The following GABRG3 variants were observed in gnomAD, a reference collection of about 807,000 sequenced individuals.
The protein encoded by GABRG3 is gamma-aminobutyric acid type A receptor subunit gamma3, also known as gamma-aminobutyric acid receptor subunit gamma-3.
In GABRG3, 25 loss-of-function variants were observed where a neutral mutation model predicts 48.8. That is an observed-to-expected ratio of 0.51 (90% CI 0.37 to 0.72). GABRG3 has a LOEUF of 0.72. GABRG3 is among the 30% of genes least tolerant of loss of function. GABRG3 has a pLI of 0.00. For synonymous variants in GABRG3, 227 were observed against 217.6 expected, an observed-to-expected ratio of 1.04 and a Z score of -0.38; for missense variants, 394 against 577.9, an observed-to-expected ratio of 0.68 and a Z score of 3.26.
chr15:27,306,791 A>G (rs1315455112), intron 3 of GABRG3, among the ~76,000 whole-genome samples: 2 of 108,228 alleles, frequency 1.8e-5, no homozygotes, highest in Non-Finnish European at 3.5e-5. Flanking sequence ...ATGTTTATAT[A>G]TAAACATACA....
chr15:26,981,372 A>G (rs922257262), intron 2 of GABRG3, among the ~76,000 whole-genome samples: 4 of 152,236 alleles, frequency 2.6e-5, no homozygotes, highest in Non-Finnish European at 5.9e-5. Flanking sequence ...AATATACTCT[A>G]TATGAGTTTA....
chr15:27,149,391 T>C (rs1898268495), intron 3 of GABRG3, among the ~76,000 whole-genome samples: 1 of 152,144 alleles, frequency 6.6e-6, no homozygotes, highest in East Asian at 1.9e-4. Flanking sequence ...AGACTTAACA[T>C]TGTGAAGATG....
chr15:27,464,662 G>A (rs1181836317), intron 5 of GABRG3, among the ~76,000 whole-genome samples: 1 of 152,136 alleles, frequency 6.6e-6, no homozygotes, highest in Non-Finnish European at 1.5e-5. Flanking sequence ...ATCCTAGCGG[G>A]TATGAAGTGA....
intron 3 of GABRG3, among the ~76,000 whole-genome samples, chr15:27,202,738 A>T (rs973091341): frequency 4.6e-5 from 7 of 151,740 alleles, no homozygotes; most frequent in Non-Finnish European, 1.0e-4. Context: ...TTACCCATAT[A>T]CCTCTTTTCT....
chr15:27,265,530 C>G (rs2140469839), intron 3 of GABRG3, among the ~76,000 whole-genome samples: 1 of 152,246 alleles, frequency 6.6e-6, no homozygotes, highest in East Asian at 1.9e-4. Flanking sequence ...GGAAGACAAC[C>G]CAGGTTCCCT....
chr15:27,281,446 TTTTA>T (rs1250196521), intron 3 of GABRG3, among the ~76,000 whole-genome samples: 5 of 151,620 alleles, frequency 3.3e-5, no homozygotes, highest in African/African-American at 1.2e-4. Flanking sequence ...TCTCTCTGTT[TTTTA>T]TTTGTTTCAT....
At chr15:27,408,446 C>T (rs1006845444) in intron 5 of GABRG3, among the ~76,000 whole-genome samples, 1 of 152,162 alleles carries the variant, frequency 6.6e-6, no homozygotes, top group Non-Finnish European at 1.5e-5. Flanking sequence ...GTCTCAAAAT[C>T]CCTCAGGAGA....
chr15:27,201,438 GAA>G (rs776097974), intron 3 of GABRG3, among the ~76,000 whole-genome samples: 5 of 151,472 alleles, frequency 3.3e-5, no homozygotes, highest in African/African-American at 7.3e-5. Flanking sequence ...AGAGGAGAGA[GAA>G]GAGAGGGAGA....
intron 3 of GABRG3, among the ~76,000 whole-genome samples, chr15:27,313,260 GTGTATATATATATATATATATATA>G (rs1446263553): frequency 6.3e-4 from 31 of 49,560 alleles, no homozygotes; most frequent in African/African-American, 2.5e-3. Context: ...GTGTGTGTGT[GTGTATATATATATATATATATATA>G]TATATATATA....
chr15:27,000,445 G>A (rs888761240), intron 2 of GABRG3, among the ~76,000 whole-genome samples: 21 of 152,050 alleles, frequency 1.4e-4, no homozygotes, highest in African/African-American at 5.1e-4. Context: ...GGTATGCCTT[G>A]GTTCTGTATC....
intron 5 of GABRG3, chr15:27,366,519 T>C (rs1895205022): frequency 1.3e-5 from 2 of 152,232 alleles, no homozygotes; most frequent in African/African-American, 4.8e-5. Context: ...ATGATCTAGC[T>C]TAGCTCCCTG....
intron 3 of GABRG3, among the ~76,000 whole-genome samples, chr15:27,042,618 A>C (rs8031551): frequency 0.18 from 27,275 of 152,068 alleles, 2,764 homozygotes; most frequent in South Asian, 0.28. Flanking sequence ...CGCTGGTGCA[A>C]TTCTGTGGGA....
chr15:26,996,806 C>A (rs898577806), intron 2 of GABRG3, among the ~76,000 whole-genome samples: 1 of 151,908 alleles, frequency 6.6e-6, no homozygotes. Flanking sequence ...CCTGCCACCA[C>A]GCCCAGCTAA....
At chr15:27,501,003 G>A (rs1366489235) in intron 6 of GABRG3, among the ~76,000 whole-genome samples, 15 of 147,852 alleles carry the variant, frequency 1.0e-4, no homozygotes, top group Admixed American at 4.0e-4. Context: ...CCAGGCTGGA[G>A]TGCAGTGGCG....
intron 3 of GABRG3, among the ~76,000 whole-genome samples, chr15:27,056,804 T>C (rs975118521): frequency 4.6e-5 from 7 of 152,138 alleles, no homozygotes; most frequent in East Asian, 1.9e-4. Context: ...GTTTGTAGGG[T>C]AGCTTTTTAA....
chr15:27,038,416 T>C (rs1417005050), intron 3 of GABRG3, among the ~76,000 whole-genome samples: 2 of 152,212 alleles, frequency 1.3e-5, no homozygotes, highest in African/African-American at 2.4e-5. Flanking sequence ...GGCATTCTTT[T>C]GAGGCATCAA....
chr15:26,997,448 C>T (rs1895363047), intron 2 of GABRG3, among the ~76,000 whole-genome samples: 1 of 152,112 alleles, frequency 6.6e-6, no homozygotes, highest in African/African-American at 2.4e-5. Flanking sequence ...AAATATATAA[C>T]AACTCTAGAT....
At chr15:27,392,625 C>T (rs1887169534) in intron 5 of GABRG3, among the ~76,000 whole-genome samples, 1 of 152,198 alleles carries the variant, frequency 6.6e-6, no homozygotes. Flanking sequence ...AGAAGGAAGT[C>T]ATTATGCCCA....
At chr15:27,078,868 G>C (rs1354440900) in intron 3 of GABRG3, among the ~76,000 whole-genome samples, 1 of 152,314 alleles carries the variant, frequency 6.6e-6, no homozygotes, top group African/African-American at 2.4e-5. Context: ...TGGAAATAGG[G>C]TCATTGCAGA....
Sources: allele counts gnomAD v4.1 joint callset (sites outside exome capture counted in the v4.1 genomes callset), GRCh38; gene constraint gnomAD v4.1.1; transcripts MANE v1.5; gene names NCBI Gene and HGNC (gene_info 2026-07-23, HGNC 2026-07-21).